Variants in APP observed in about 807,000 individuals in gnomAD.
APP encodes the protein amyloid beta precursor protein.
APP carries 31 observed loss-of-function variants against 101.4 expected under a neutral mutation model. That is an observed-to-expected ratio of 0.31 (90% CI 0.23 to 0.41). APP has a LOEUF of 0.41. Ranked by LOEUF, APP falls within the 10% of genes least tolerant of loss-of-function variation. APP has a pLI of 1.00. For synonymous variants in APP, 366 were observed against 364.4 expected (o/e 1.00, Z -0.05); for missense variants, 839 against 1,003.7 (o/e 0.84, Z 2.22).
At chr21:26,124,567 A>AT (rs140530175) in intron 1 of APP, among the ~76,000 whole-genome samples, 3,059 of 152,256 alleles carry the variant, frequency 0.02, 104 homozygotes, top group African/African-American at 0.068. Flanking sequence ...GCAATCAACT[A>AT]TTTTTTTAAT....
At chr21:26,064,354 G>A (rs2046378515) in intron 3 of APP, among the ~76,000 whole-genome samples, 1 of 152,038 alleles carries the variant, frequency 6.6e-6, no homozygotes. Flanking sequence ...AAAGCCTATG[G>A]GAACTCTCTG....
intron 1 of APP, among the ~76,000 whole-genome samples, chr21:26,114,302 C>CTGGGGTAGCCAGG (rs2062389685): frequency 6.6e-6 from 1 of 152,168 alleles, no homozygotes; most frequent in Non-Finnish European, 1.5e-5. Context: ...GGGTAGCCAG[C>CTGGGGTAGCCAGG]CTCCAAGAAG....
chr21:26,090,011 T>A lies in APP; in HGVS notation c.287A>T (p.Asn96Ile), dbSNP rs1404320222. The A allele has an allele frequency of 6.2e-7, 1 of 1,614,148 alleles. No homozygotes were observed. The highest frequency in any genetic ancestry group is 8.5e-7 in the Non-Finnish European group (1 of 1,180,012). The change falls in exon 3 of 18, where the codon AAC (asparagine) becomes ATC (isoleucine). Residue 96 changes from asparagine to isoleucine, a missense_variant. Asn to Ile is a moderately radical substitution (Grantham distance 149). Transcript: ENST00000346798. ...CTGCTTGCGGCCCCGCTTGCACCAG[T>A]TCTGGATGGTCACTGGTTGGTTGGC... is the stretch of plus-strand genomic sequence containing the variant. ...VEANQPVTIQNWCKRGRKQCK... is the reference protein window; with the variant it reads ...VEANQPVTIQIWCKRGRKQCK...
chr21:26,127,377 G>A (rs188854688), intron 1 of APP, among the ~76,000 whole-genome samples: 1 of 152,090 alleles, frequency 6.6e-6, no homozygotes, highest in Non-Finnish European at 1.5e-5. Context: ...CGGAGAAAAG[G>A]CTTAAAAACT....
At chr21:26,029,280 A>T (rs1362539246) in intron 5 of APP, among the ~76,000 whole-genome samples, 1 of 152,130 alleles carries the variant, frequency 6.6e-6, no homozygotes, top group African/African-American at 2.4e-5. Context: ...TCCAGGGAAA[A>T]CATGAATGGA....
chr21:25,946,050 C>T lies in APP; in HGVS notation c.1687+8540G>A, dbSNP rs143521767. 2.4e-4 allele frequency: 84 copies of T among 357,306 alleles called. No individual in the cohort carries two copies. The Middle Eastern group carries it at 2.7e-3, about 11-fold the overall frequency. 22.1% of individuals were successfully genotyped at this position (357,306 alleles called of 1,614,324 possible). A position where few individuals can be genotyped will look rare whatever the true frequency, so the allele number is the denominator to read the frequency against. ...TATATGCAAAAGAATAAAGTCAAACCTCTACCTCACACCATATATGAAAAT... is the reference window on the plus strand; with the variant it reads ...TATATGCAAAAGAATAAAGTCAAACTTCTACCTCACACCATATATGAAAAT... On this transcript the variant is annotated intron_variant, in intron 13 of 17. Coordinates refer to ENST00000346798, the MANE Select transcript of APP (RefSeq NM_000484.4).
intron 6 of APP, among the ~76,000 whole-genome samples, chr21:26,010,820 CAAAAAAAAAAA>C (rs58036272): frequency 1.8e-5 from 1 of 54,842 alleles, no homozygotes; most frequent in Admixed American, 3.2e-4. Flanking sequence ...GACTTCGTCT[CAAAAAAAAAAA>C]AAAAAAAAAA....
At chr21:25,888,558 A>G (rs925861291) in intron 17 of APP, among the ~76,000 whole-genome samples, 22 of 152,184 alleles carry the variant, frequency 1.4e-4, no homozygotes, top group Non-Finnish European at 2.6e-4. Flanking sequence ...AACAAAACAA[A>G]CACGAATGAG....
At chr21:25,983,612 T>G (rs2042522869) in intron 8 of APP, among the ~76,000 whole-genome samples, 2 of 152,246 alleles carry the variant, frequency 1.3e-5, no homozygotes, top group Admixed American at 1.3e-4. Context: ...CGGAAGGCTG[T>G]TAAATAATTA....
chr21:26,161,939 T>G (rs1311438441), intron 1 of APP, among the ~76,000 whole-genome samples: 1 of 152,076 alleles, frequency 6.6e-6, no homozygotes, highest in African/African-American at 2.4e-5. Context: ...GATAAAAAAA[T>G]CAATAAATAC....
intron 13 of APP, chr21:25,938,056 G>C (rs2146420885): frequency 6.6e-6 from 1 of 152,432 alleles, no homozygotes; most frequent in South Asian, 2.1e-4. Flanking sequence ...TTACAGGTGT[G>C]AGCCACCATG....
chr21:26,108,370 G>A (rs1014898339), intron 2 of APP, among the ~76,000 whole-genome samples: 3 of 152,054 alleles, frequency 2.0e-5, no homozygotes, highest in African/African-American at 4.8e-5. Flanking sequence ...TTTGAGATAC[G>A]GTATCTATCT....
At chr21:25,894,512 T>G (rs1338883073) in intron 16 of APP, among the ~76,000 whole-genome samples, 2 of 152,152 alleles carry the variant, frequency 1.3e-5, no homozygotes, top group African/African-American at 4.8e-5. Flanking sequence ...CCAACTCTCA[T>G]GGGTGACTTT....
intron 6 of APP, among the ~76,000 whole-genome samples, chr21:26,014,246 G>A (rs2043953401): frequency 6.6e-6 from 1 of 152,198 alleles, no homozygotes; most frequent in Non-Finnish European, 1.5e-5. Context: ...CCCAAGCTTT[G>A]TGGAGAGTTA....
At chr21:25,979,440 G>C (rs1332945798) in intron 9 of APP, among the ~76,000 whole-genome samples, 2 of 152,148 alleles carry the variant, frequency 1.3e-5, no homozygotes, top group African/African-American at 4.8e-5. Flanking sequence ...CTACTAAGTA[G>C]AGATTTAAGA....
chr21:25,891,070 T>A (rs915164791), intron 17 of APP, among the ~76,000 whole-genome samples: 2 of 152,206 alleles, frequency 1.3e-5, no homozygotes, highest in Admixed American at 1.3e-4. Flanking sequence ...AAATAACTTA[T>A]TCGTAAATTT....
intron 8 of APP, among the ~76,000 whole-genome samples, chr21:25,983,272 A>G (rs1392323289): frequency 6.6e-6 from 1 of 152,242 alleles, no homozygotes; most frequent in Non-Finnish European, 1.5e-5. Flanking sequence ...AGTATTTATG[A>G]GCTTAAAAGC....
chr21:26,137,469 T>C (rs2062946267), intron 1 of APP, among the ~76,000 whole-genome samples: 1 of 152,186 alleles, frequency 6.6e-6, no homozygotes, highest in Non-Finnish European at 1.5e-5. Flanking sequence ...AAGTTGTCTT[T>C]TAAGTATGAG....
chr21:25,924,423 A>AAAG (rs1256307117), intron 13 of APP, among the ~76,000 whole-genome samples: 2 of 103,964 alleles, frequency 1.9e-5, no homozygotes, highest in African/African-American at 4.3e-5. Context: ...AAAAAAAAAA[A>AAAG]AAAAGGAAAA....
Sources: allele counts gnomAD v4.1 joint callset (sites outside exome capture counted in the v4.1 genomes callset), GRCh38; gene constraint gnomAD v4.1.1; transcripts MANE v1.5; gene names NCBI Gene and HGNC (gene_info 2026-07-23, HGNC 2026-07-21).